ADCY2: variants seen among roughly 807,000 people sequenced by gnomAD.
The protein encoded by ADCY2 is adenylate cyclase type 2.
ADCY2 carries 31 observed loss-of-function variants against 125.2 expected under a neutral mutation model. The ratio of observed to expected loss-of-function variants is 0.25; its 90% CI spans 0.19 to 0.33. ADCY2 has a LOEUF of 0.33. Among genes scored for constraint, ADCY2 ranks in the 10% least tolerant of loss-of-function variants. ADCY2 has a pLI of 1.00. For missense variants in ADCY2, 904 were observed against 1,418.2 expected, an observed-to-expected ratio of 0.64 and a Z score of 5.82; for synonymous variants, 512 against 548.4, an observed-to-expected ratio of 0.93 and a Z score of 0.93.
At chr5:7,815,733 C>T (rs1745090533) in intron 22 of ADCY2, among the ~76,000 whole-genome samples, 1 of 152,198 alleles carries the variant, frequency 6.6e-6, no homozygotes, top group Non-Finnish European at 1.5e-5. Flanking sequence ...TTCTCTCCTT[C>T]AGCTCTGTAA....
chr5:7,524,151 T>C lies in ADCY2; in HGVS notation c.570+3252T>C, dbSNP rs531456611. Among the ~76,000 whole-genome samples, 6 of 152,362 alleles carry C rather than the reference T, an allele frequency of 3.9e-5. No homozygotes were observed. The East Asian group carries it at 1.2e-3, about 29-fold the overall frequency. ...TATCACCTAATTAAGGAAATTTAATTAATAACTGAAAATTATGGATGGTAT... is the reference window on the plus strand; with the variant it reads ...TATCACCTAATTAAGGAAATTTAATCAATAACTGAAAATTATGGATGGTAT... On this transcript the variant is annotated intron_variant, in intron 3 of 24. Coordinates refer to ENST00000338316, the MANE Select transcript of ADCY2 (RefSeq NM_020546.3).
intron 2 of ADCY2, among the ~76,000 whole-genome samples, chr5:7,516,109 A>G (rs1361347658): frequency 1.4e-5 from 2 of 146,718 alleles, no homozygotes; most frequent in Admixed American, 6.7e-5. Context: ...TTACTGCAGC[A>G]GCATTAGACA....
At chr5:7,660,378 G>A (rs1227780899) in intron 4 of ADCY2, among the ~76,000 whole-genome samples, 1 of 152,146 alleles carries the variant, frequency 6.6e-6, no homozygotes, top group African/African-American at 2.4e-5. Flanking sequence ...AGAGGCATGG[G>A]CAGGACAGGG....
chr5:7,457,709 A>G (rs1409597419), intron 2 of ADCY2, among the ~76,000 whole-genome samples: 1 of 152,162 alleles, frequency 6.6e-6, no homozygotes, highest in Non-Finnish European at 1.5e-5. Context: ...TCTATTGGCT[A>G]AGGAATTCTG....
At chr5:7,592,958 A>G (rs1561114703) in intron 3 of ADCY2, among the ~76,000 whole-genome samples, 2 of 152,196 alleles carry the variant, frequency 1.3e-5, no homozygotes, top group South Asian at 2.1e-4. Context: ...GCGATTTACC[A>G]TGTTGTATGT....
chr5:7,803,901 A>AATAT (rs145541724), intron 21 of ADCY2, among the ~76,000 whole-genome samples: 2 of 143,692 alleles, frequency 1.4e-5, no homozygotes, highest in Admixed American at 1.4e-4. Flanking sequence ...CTCTGTCTCG[A>AATAT]ATATATATAT....
chr5:7,582,704 T>C (rs1736475917), intron 3 of ADCY2, among the ~76,000 whole-genome samples: 1 of 152,128 alleles, frequency 6.6e-6, no homozygotes, highest in Admixed American at 6.5e-5. Flanking sequence ...AAACACTCAG[T>C]AGTTTAGAAG....
chr5:7,501,240 G>A (rs1486840616), intron 2 of ADCY2, among the ~76,000 whole-genome samples: 1 of 151,910 alleles, frequency 6.6e-6, no homozygotes, highest in Admixed American at 6.6e-5. Flanking sequence ...TCCATATGAA[G>A]CAAGAGGAAT....
chr5:7,589,647 C>G (rs1459050498), intron 3 of ADCY2, among the ~76,000 whole-genome samples: 1 of 152,052 alleles, frequency 6.6e-6, no homozygotes, highest in Non-Finnish European at 1.5e-5. Flanking sequence ...AAGGGACTCT[C>G]TCTGGGCCCT....
intron 4 of ADCY2, among the ~76,000 whole-genome samples, chr5:7,643,659 GA>G (rs1473463840): frequency 1.3e-5 from 2 of 149,534 alleles, no homozygotes; most frequent in African/African-American, 4.9e-5. Flanking sequence ...ATGACATTTT[GA>G]TTTACTTCCA....
At chr5:7,594,549 C>T (rs1736945287) in intron 3 of ADCY2, among the ~76,000 whole-genome samples, 1 of 152,200 alleles carries the variant, frequency 6.6e-6, no homozygotes, top group African/African-American at 2.4e-5. Context: ...TCTTGTGTGA[C>T]CCTCTCCACA....
At chr5:7,664,532 C>G (rs908728758) in intron 4 of ADCY2, among the ~76,000 whole-genome samples, 1 of 152,198 alleles carries the variant, frequency 6.6e-6, no homozygotes, top group African/African-American at 2.4e-5. Flanking sequence ...GGGAGTCATG[C>G]CCTACAAACC....
chr5:7,554,165 T>C (rs913206918), intron 3 of ADCY2, among the ~76,000 whole-genome samples: 13 of 152,364 alleles, frequency 8.5e-5, no homozygotes, highest in South Asian at 8.3e-4. Context: ...AAAGTAGTTA[T>C]GCCAAGGCCG....
intron 4 of ADCY2, among the ~76,000 whole-genome samples, chr5:7,638,598 G>C (rs536006972): frequency 6.6e-6 from 1 of 152,330 alleles, no homozygotes; most frequent in African/African-American, 2.4e-5. Flanking sequence ...TAAGTGCCTT[G>C]CAGAAGTCTT....
chr5:7,775,175 TTGTGTGTGTGTGTGTG>T (rs200142910), intron 18 of ADCY2, among the ~76,000 whole-genome samples: 6 of 146,154 alleles, frequency 4.1e-5, no homozygotes, highest in Non-Finnish European at 7.5e-5. Flanking sequence ...CCCAGCTACT[TTGTGTGTGTGTGTGTG>T]TGTGTGTGTG....
intron 4 of ADCY2, among the ~76,000 whole-genome samples, chr5:7,674,980 T>C (rs571739217): frequency 5.9e-4 from 89 of 151,978 alleles, no homozygotes; most frequent in Non-Finnish European, 1.0e-3. Context: ...ATGGTGAAAC[T>C]CCGTCTCTAC....
rs546621192 is a variant in ADCY2, at chr5:7,608,763, TG to T, written c.571-17403del. On this transcript the variant is annotated intron_variant, in intron 3 of 24. Transcript: ENST00000338316. Reference sequence around the variant, plus strand: ...CATTTTTGCCCTCCCCAAGAACTATTGTTTCCCTCTTGGGGTGCTATGACCT... The same window carrying T: ...CATTTTTGCCCTCCCCAAGAACTATTTTTCCCTCTTGGGGTGCTATGACCT... Among the ~76,000 whole-genome samples, 105 of 152,322 alleles carry T rather than the reference TG, an allele frequency of 6.9e-4. 1 individual carries two copies. Among genetic ancestry groups the T allele is most frequent in the Middle Eastern group, 6.8e-3 (2 of 294 alleles).
At chr5:7,763,051 T>C (rs113332902) in intron 16 of ADCY2, among the ~76,000 whole-genome samples, 147 of 150,634 alleles carry the variant, frequency 9.8e-4, no homozygotes, top group Middle Eastern at 6.8e-3. Context: ...TCTTTGTTTT[T>C]TTTGTTTGTT....
chr5:7,405,380 C>A (rs764899584), intron 1 of ADCY2, among the ~76,000 whole-genome samples: 19 of 150,040 alleles, frequency 1.3e-4, no homozygotes, highest in African/African-American at 4.2e-4. Context: ...CAGTTGATCT[C>A]TGCTGGTCTG....
Sources: allele counts gnomAD v4.1 joint callset (sites outside exome capture counted in the v4.1 genomes callset), GRCh38; gene constraint gnomAD v4.1.1; transcripts MANE v1.5; gene names NCBI Gene and HGNC (gene_info 2026-07-23, HGNC 2026-07-21).